Variants in SNX1 observed in about 807,000 individuals in gnomAD.
SNX1 encodes sorting nexin 1.
A neutral mutation model predicts 71.8 loss-of-function variants in SNX1; 36 were observed. That is an observed-to-expected ratio of 0.50 (90% CI 0.38 to 0.66). SNX1 has a LOEUF of 0.66. SNX1 is among the 30% of genes least tolerant of loss of function. SNX1 has a pLI of 0.00. For missense variants in SNX1, 612 were observed against 646.7 expected (o/e 0.95, Z 0.58); for synonymous variants, 254 against 240.7 (o/e 1.06, Z -0.51).
At chr15:64,136,105 A>T (rs1291974847) in intron 12 of SNX1, among the ~76,000 whole-genome samples, 1 of 152,236 alleles carries the variant, frequency 6.6e-6, no homozygotes, top group East Asian at 1.9e-4. Context: ...ACTTGGTCCC[A>T]GATGCCTGAA....
At chr15:64,101,130 G>T (rs368462438) in intron 1 of SNX1, among the ~76,000 whole-genome samples, 5 of 152,236 alleles carry the variant, frequency 3.3e-5, no homozygotes, top group Admixed American at 6.5e-5. Flanking sequence ...AAAAACTGGG[G>T]TAAAATTCAC....
chr15:64,118,940 G>A, intron 4 of SNX1, 86 bp downstream of exon 4: 3 of 956,646 alleles, frequency 3.1e-6, no homozygotes, highest in Non-Finnish European at 5.0e-6. Flanking sequence ...TACCCCCAGA[G>A]TTGAACTAGC....
intron 4 of SNX1, among the ~76,000 whole-genome samples, chr15:64,121,624 A>G (rs909412816): frequency 6.6e-6 from 1 of 152,218 alleles, no homozygotes; most frequent in East Asian, 1.9e-4. Context: ...TGGGAGTTAG[A>G]ACGTAAAATG....
chr15:64,099,394 G>A (rs2080935650), intron 1 of SNX1, among the ~76,000 whole-genome samples: 1 of 152,124 alleles, frequency 6.6e-6, no homozygotes, highest in African/African-American at 2.4e-5. Context: ...TTGTTGGTGA[G>A]CATTTTGTAA....
chr15:64,118,763 C>A, intron 3 of SNX1, 25 bp from the exon 4 acceptor site: 2 of 1,586,340 alleles, frequency 1.3e-6, no homozygotes, highest in Non-Finnish European at 1.7e-6. Context: ...TATCAACTCT[C>A]ATGATTTGTC....
At chr15:64,119,537 A>T (rs1359277506) in intron 4 of SNX1, among the ~76,000 whole-genome samples, 1 of 152,172 alleles carries the variant, frequency 6.6e-6, no homozygotes, top group Non-Finnish European at 1.5e-5. Flanking sequence ...CAGCCAGGCC[A>T]ACATGGTGAA....
At chr15:64,096,938 C>T (rs1193650018) in intron 1 of SNX1, among the ~76,000 whole-genome samples, 1 of 152,160 alleles carries the variant, frequency 6.6e-6, no homozygotes, top group Non-Finnish European at 1.5e-5. Context: ...GGACAAAACG[C>T]ACAAAATAAC....
intron 11 of SNX1, 61 bp downstream of exon 11, chr15:64,131,953 T>A: frequency 6.4e-7 from 1 of 1,560,662 alleles, no homozygotes; most frequent in Non-Finnish European, 8.8e-7. Flanking sequence ...CCTTTGCTGG[T>A]CCCCTTCCCA....
chr15:64,134,938 T>A lies in SNX1; in HGVS notation c.1365+131T>A. The A allele has an allele frequency of 3.3e-6, 4 of 1,212,024 alleles. No homozygotes were observed. Among genetic ancestry groups the A allele is most frequent in the Non-Finnish European group, 4.5e-6 (4 of 882,336 alleles). The allele number at this position is 1,212,024 out of a possible 1,614,324, so 75.1% of individuals were successfully genotyped here. ...ATTGAGTCTAAAGGGCCGTGGCTGC[T>A]GAGGAAGCCTCTGAGAATGACTCCA... On this transcript the variant is annotated intron_variant, in intron 12 of 14. Transcript: ENST00000559844. The surrounding 1 kb of genome is among the most constrained non-coding windows in gnomAD (Gnocchi z 4.1).
rs2081286527 is a variant in SNX1, at chr15:64,129,575, T to G, written c.808-341T>G. 6.6e-6 allele frequency among the ~76,000 whole-genome samples: 1 copy of G among 152,238 alleles called. No homozygotes were observed. Among genetic ancestry groups the G allele is most frequent in the Admixed American group, 6.5e-5 (1 of 15,288 alleles). On this transcript the variant is annotated intron_variant, in intron 8 of 14. Coordinates refer to ENST00000559844, the MANE Select transcript of SNX1 (RefSeq NM_003099.5). This position sits in a 1 kb window ranked among gnomAD's most constrained non-coding sequence, Gnocchi z 4.4. ...AAAGTGTGCTAATCCAAGGGAACTT[T>G]TGACTTTTAACAAGAGTATGCTTGG...
intron 1 of SNX1, among the ~76,000 whole-genome samples, chr15:64,099,097 G>A (rs1016564525): frequency 3.3e-5 from 5 of 152,200 alleles, no homozygotes; most frequent in African/African-American, 1.2e-4. Flanking sequence ...ATAGAGGATT[G>A]CAGCACTTGT....
rs2081401910 is a variant in SNX1, at chr15:64,140,489, T to C, written c.*2871T>C. ...CAAGATGTTCCAGGCTCATCTTGAA[T>C]GTTCCCTACCCTAGCCCTGGAATCA... On this transcript the variant is annotated 3_prime_UTR_variant, in exon 15 of 15. Transcript: ENST00000559844. 6.6e-6 allele frequency: 1 copy of C among 152,272 alleles called. No individual in the cohort carries two copies. The highest frequency in any genetic ancestry group is 1.5e-5 in the Non-Finnish European group (1 of 68,036). The allele number at this position is 152,272 out of a possible 1,614,324, so 9.4% of individuals were successfully genotyped here.
intron 1 of SNX1, among the ~76,000 whole-genome samples, chr15:64,109,987 A>G (rs928187135): frequency 3.3e-5 from 5 of 152,192 alleles, no homozygotes; most frequent in African/African-American, 9.7e-5. Flanking sequence ...CAAGAAAATA[A>G]TCAGATGTGG....
intron 1 of SNX1, among the ~76,000 whole-genome samples, chr15:64,097,242 G>A (rs1005794399): frequency 4.6e-5 from 7 of 152,240 alleles, no homozygotes; most frequent in Non-Finnish European, 8.8e-5. Context: ...CGTGGTGGAT[G>A]GGGAGGGTTG....
intron 2 of SNX1, among the ~76,000 whole-genome samples, chr15:64,116,388 A>G (rs915520491): frequency 6.6e-6 from 1 of 152,194 alleles, no homozygotes; most frequent in African/African-American, 2.4e-5. Context: ...TCAAGGGTCA[A>G]CTGTACTTTT....
intron 12 of SNX1, 87 bp from the exon 13 acceptor site, chr15:64,136,243 C>A: frequency 2.0e-6 from 2 of 997,080 alleles, no homozygotes; most frequent in Non-Finnish European, 3.2e-6. Context: ...CAATTGAGCC[C>A]TCATATGTAA....
intron 4 of SNX1, among the ~76,000 whole-genome samples, chr15:64,120,087 C>G (rs1489522349): frequency 6.6e-6 from 1 of 152,078 alleles, no homozygotes; most frequent in African/African-American, 2.4e-5. Context: ...GAGTGGAGAA[C>G]AATAGGCCTC....
chr15:64,114,322 C>G (rs2081107533), intron 2 of SNX1, among the ~76,000 whole-genome samples: 1 of 152,002 alleles, frequency 6.6e-6, no homozygotes, highest in Non-Finnish European at 1.5e-5. Flanking sequence ...GGGAAATCAA[C>G]AAAATCTGAT....
chr15:64,142,447 C>A lies in SNX1; in HGVS notation c.*4829C>A. 1 of 309,914 alleles carries A rather than the reference C, an allele frequency of 3.2e-6. No homozygotes were observed. The highest frequency in any genetic ancestry group is 6.4e-6 in the Non-Finnish European group (1 of 155,236). 19.2% of individuals were successfully genotyped at this position (309,914 alleles called of 1,614,324 possible). ...CAAACTTAAGCATGTTAATAAAATT[C>A]AGAGAAGAGAAAGAGAATGACTATC... On this transcript the variant is annotated 3_prime_UTR_variant, in exon 15 of 15. Transcript: ENST00000559844.
Sources: gnomAD v4.1 joint callset for allele counts (sites outside exome capture counted in the v4.1 genomes callset) on GRCh38, gnomAD v4.1.1 for gene constraint, Gnocchi (gnomAD v3.1) non-coding constraint, MANE v1.5 for transcripts, NCBI Gene and HGNC (gene_info 2026-07-23, HGNC 2026-07-21) for gene names.